BRSK2: variants seen among roughly 807,000 people sequenced by gnomAD.
The protein encoded by BRSK2 is BR serine/threonine kinase 2.
BRSK2 carries 19 observed loss-of-function variants against 83.3 expected under a neutral mutation model. The observed-to-expected ratio is 0.23, with a 90% confidence interval of 0.16 to 0.33. The LOEUF (loss-of-function observed/expected upper bound fraction) is 0.33. Among genes scored for constraint, BRSK2 ranks in the 10% least tolerant of loss-of-function variants. BRSK2 has a pLI of 1.00. For missense variants in BRSK2, 798 were observed against 1,042.3 expected (o/e 0.77, Z 3.23); for synonymous variants, 519 against 435.4 (o/e 1.19, Z -2.39).
At chr11:1,411,751 C>A in intron 1 of BRSK2, 1 of 1,402,198 alleles carries the variant, frequency 7.1e-7, no homozygotes, top group Non-Finnish European at 9.6e-7. Flanking sequence ...TGGGCTGCAC[C>A]TGCTGGGAGG....
chr11:1,459,093 G>C (rs1388770412), intron 18 of BRSK2, 99 bp from the exon 19 acceptor site: 2 of 1,257,716 alleles, frequency 1.6e-6, no homozygotes, highest in Non-Finnish European at 2.3e-6. Context: ...CCCACTCCTG[G>C]CTCCACCCCC....
In BRSK2 at chr11:1,390,819, C is replaced by T. The variant is rs1590272671; in HGVS notation, c.91+444C>T. Among the ~76,000 whole-genome samples, 1 of 152,124 alleles carries T rather than the reference C, an allele frequency of 6.6e-6. No homozygotes were observed. Among genetic ancestry groups the T allele is most frequent in the South Asian group, 2.1e-4 (1 of 4,838 alleles). Reference sequence around the variant, plus strand: ...GCTGCGCCCCCGGCGGGACTCCCACCTCCGCGCGCCGGCCACCGGGGCCTC... The same window carrying T: ...GCTGCGCCCCCGGCGGGACTCCCACTTCCGCGCGCCGGCCACCGGGGCCTC... On this transcript the variant is annotated intron_variant, in intron 1 of 19. Coordinates refer to ENST00000528841, the MANE Select transcript of BRSK2 (RefSeq NM_001256627.2). This position sits in a 1 kb window ranked among gnomAD's most constrained non-coding sequence, Gnocchi z 6.8.
At position 1,454,492 on chromosome 11, in the gene BRSK2, A is replaced by G; in HGVS notation, c.1552A>G (p.Lys518Glu). 6.2e-7 allele frequency: 1 copy of G among 1,613,076 alleles called. No homozygotes were observed. The highest frequency in any genetic ancestry group is 8.5e-7 in the Non-Finnish European group (1 of 1,179,918). Reference sequence around the variant, plus strand: ...CTGTCTCCCACTGCCCAGGCTGGCGAAGAAGTCCTGGTTTGGGAACTTCAT... The same window carrying G: ...CTGTCTCCCACTGCCCAGGCTGGCGGAGAAGTCCTGGTTTGGGAACTTCAT... ...LTPESSPELA[K>E]KSWFGNFISL... is the part of the protein sequence containing the mutation. Residue 518 changes from lysine to glutamate, a missense_variant, in exon 16 of 20, where the codon AAG becomes GAG. Around this residue, in one of 6 missense-constraint regions of BRSK2, gnomAD observed 455 missense variants for 455.2 expected, o/e 1.00. Transcript: ENST00000528841. The surrounding 1 kb of genome is among the most constrained non-coding windows in gnomAD (Gnocchi z 5.2).
At position 1,450,731 on chromosome 11, in the gene BRSK2, C is replaced by T. The variant is rs1845717685; in HGVS notation, c.1432C>T (p.Arg478Trp). The T allele has an allele frequency of 1.3e-6, 2 of 1,599,060 alleles. No homozygotes were observed. Among genetic ancestry groups the T allele is most frequent in the Non-Finnish European group, 1.7e-6 (2 of 1,175,514 alleles). Residue 478 changes from arginine (R) to tryptophan (W), a missense_variant, in exon 14 of 20, where the codon CGG becomes TGG. Coordinates refer to ENST00000528841, the MANE Select transcript of BRSK2 (RefSeq NM_001256627.2). ...CGTCGGAGGGGTGCCCTGGAGGGCG[C>T]GGCTCAACTCCATCAAGAACAGCTT... ...PSVGGVPWRA[R>W]LNSIKNSFLG...
chr11:1,421,889 C>A (rs988957954), intron 1 of BRSK2, among the ~76,000 whole-genome samples: 1 of 149,602 alleles, frequency 6.7e-6, no homozygotes, highest in Non-Finnish European at 1.5e-5. Context: ...GCAAACCTGC[C>A]GGCCCAGCAC....
Position 1,389,952 on chromosome 11 carries a change from G to T in BRSK2, c.-333G>T, listed in dbSNP as rs1845619027. ...TCGGCTCGGCTCGGCTCGGCTGCGC[G>T]GCCGCTGACGGGCGTGCGCTGGGGG... On this transcript the variant is annotated 5_prime_UTR_variant, in exon 1 of 20. Transcript: ENST00000528841. The surrounding 1 kb of genome is among the most constrained non-coding windows in gnomAD (Gnocchi z 4.1). 1 of 149,138 alleles carries T rather than the reference G, an allele frequency of 6.7e-6. No homozygotes were observed. The highest frequency in any genetic ancestry group is 1.8e-4 in the South Asian group (1 of 5,626). The allele number at this position is 149,138 out of a possible 1,614,324, so 9.2% of individuals were successfully genotyped here.
intron 1 of BRSK2, among the ~76,000 whole-genome samples, chr11:1,395,151 C>T (rs1845991821): frequency 6.6e-6 from 1 of 152,202 alleles, no homozygotes; most frequent in African/African-American, 2.4e-5. Context: ...ACATCAGGCC[C>T]TGGCCATCTG....
At chr11:1,395,223 T>A (rs1845995827) in intron 1 of BRSK2, among the ~76,000 whole-genome samples, 1 of 152,130 alleles carries the variant, frequency 6.6e-6, no homozygotes, top group Admixed American at 6.5e-5. Flanking sequence ...TCATCTGCCC[T>A]GCACGGGGTT....
At position 1,423,150 on chromosome 11, in the gene BRSK2, C is replaced by G. The variant is rs765143687; in HGVS notation, c.92-12890C>G. Among the ~76,000 whole-genome samples, 13 of 152,180 alleles carry G rather than the reference C, an allele frequency of 8.5e-5. No homozygotes were observed. The highest frequency in any genetic ancestry group is 1.2e-4 in the Non-Finnish European group (8 of 68,028). ...GCTGTGCCTCCATGTACCTCAGGGC[C>G]TCCCCCAGAGCGGTGCCTCGTGGGG... is the stretch of plus-strand genomic sequence containing the variant. On this transcript the variant is annotated intron_variant, in intron 1 of 19. Transcript: ENST00000528841. This position sits in a 1 kb window ranked among gnomAD's most constrained non-coding sequence, Gnocchi z 6.5.
intron 1 of BRSK2, among the ~76,000 whole-genome samples, chr11:1,429,188 CGTGTGCATGGGT>C (rs1564831483): frequency 7.3e-6 from 1 of 137,076 alleles, no homozygotes; most frequent in Non-Finnish European, 1.6e-5. Context: ...GGTGCATGCG[CGTGTGCATGGGT>C]GTGTGTGCAC....
chr11:1,411,987 G>A (rs899392827), intron 1 of BRSK2, among the ~76,000 whole-genome samples: 73 of 151,070 alleles, frequency 4.8e-4, no homozygotes, highest in African/African-American at 1.5e-3. Flanking sequence ...CAGCTGCGCC[G>A]CCCCGTCCTG....
chr11:1,398,743 C>G (rs535430929), intron 1 of BRSK2, among the ~76,000 whole-genome samples: 3 of 152,166 alleles, frequency 2.0e-5, no homozygotes, highest in Admixed American at 6.5e-5. Context: ...CAGGGTTAGG[C>G]TGCAGGCCCT....
intron 5 of BRSK2, 94 bp downstream of exon 5, chr11:1,442,700 C>A: frequency 1.0e-6 from 1 of 994,404 alleles, no homozygotes; most frequent in Non-Finnish European, 1.5e-6. Context: ...CCTGCCTGAG[C>A]CTCCCGGCAC....
At position 1,443,460 on chromosome 11, in the gene BRSK2, C is replaced by T. The variant is rs373367008; in HGVS notation, c.634-29C>T. On this transcript the variant is annotated intron_variant, in intron 7 of 19. Transcript: ENST00000528841. ...GCCTCTCCCCAAACCTGCCCCCCCA[C>T]GCTGACCCCCACACCCGGCCGCCCG... The T allele has an allele frequency of 1.1e-4, 181 of 1,574,708 alleles. No individual in the cohort carries two copies. The African/African-American group carries it at 2.1e-3, about 19-fold the overall frequency.
intron 12 of BRSK2, 70 bp from the exon 13 acceptor site, chr11:1,449,705 GA>G (rs1246362199): frequency 7.2e-7 from 1 of 1,382,926 alleles, no homozygotes; most frequent in Non-Finnish European, 1.0e-6. Flanking sequence ...TACCTGGGGG[GA>G]GCAGAGCCCA....
Position 1,445,470 on chromosome 11 carries a change from G to T in BRSK2, c.977+12G>T, listed in dbSNP as rs1387822325. On this transcript the variant is annotated intron_variant, in intron 10 of 19. Transcript: ENST00000528841. ...CTGCTGTCCGAGGAGTGCGTCTGGG[G>T]CTGCTCCCGGGTGGGGCACGGGGCC... 1.9e-6 allele frequency: 3 copies of T among 1,611,224 alleles called. No individual in the cohort carries two copies. The highest frequency in any genetic ancestry group is 1.7e-5 in the Admixed American group (1 of 59,938).
At chr11:1,440,706 G>T (rs1227720653) in intron 3 of BRSK2, 82 bp from the exon 4 acceptor site, 3 of 1,490,610 alleles carry the variant, frequency 2.0e-6, no homozygotes, top group Non-Finnish European at 1.8e-6. Flanking sequence ...GCTGGGCCAG[G>T]AGGCGGCTGT....
chr11:1,459,318 G>C, intron 19 of BRSK2, 79 bp downstream of exon 19: 1 of 1,541,976 alleles, frequency 6.5e-7, no homozygotes, highest in East Asian at 2.2e-5. Flanking sequence ...GCCGCCACCT[G>C]CCGCCCGGGT....
Position 1,456,612 on chromosome 11 carries a change from T to G in BRSK2, c.1864T>G (p.Phe622Val). Reference sequence around the variant, plus strand: ...GTCTCCCCTAGGCCCCAGCCGTCGCTTCAAGAGGGTGGTGGAGACCATCCA... The same window carrying G: ...GTCTCCCCTAGGCCCCAGCCGTCGCGTCAAGAGGGTGGTGGAGACCATCCA... ...FTLLSGPSRR[F>V]KRVVETIQAQ... The change falls in exon 18 of 20, where the codon TTC (phenylalanine) becomes GTC (valine). Residue 622 changes from phenylalanine (F) to valine (V), a missense_variant. By Grantham distance (50) the Phe-to-Val change is conservative. Coordinates refer to ENST00000528841, the MANE Select transcript of BRSK2 (RefSeq NM_001256627.2). The G allele has an allele frequency of 1.2e-6, 2 of 1,611,086 alleles. No homozygotes were observed. Among genetic ancestry groups the G allele is most frequent in the Non-Finnish European group, 1.7e-6 (2 of 1,179,380 alleles).
Sources: allele counts gnomAD v4.1 joint callset (sites outside exome capture counted in the v4.1 genomes callset), GRCh38; gene constraint gnomAD v4.1.1; regional missense constraint gnomAD v4.1.1; non-coding constraint Gnocchi (gnomAD v3.1); transcripts MANE v1.5; gene names NCBI Gene and HGNC (gene_info 2026-07-23, HGNC 2026-07-21).